The following PIP5KL1 variants were observed in gnomAD, a reference collection of about 807,000 sequenced individuals.
PIP5KL1 encodes the protein phosphatidylinositol-4-phosphate 5-kinase like 1.
A neutral mutation model predicts 47.6 loss-of-function variants in PIP5KL1; 45 were observed. That is an observed-to-expected ratio of 0.94 (90% confidence interval 0.74 to 1.21). The LOEUF (loss-of-function observed/expected upper bound fraction) is 1.21, where lower values mean the gene tolerates loss of function less well. Ranked by LOEUF, PIP5KL1 falls within the 50% of genes most tolerant of loss-of-function variation. PIP5KL1 has a pLI of 0.00. For missense variants in PIP5KL1, 577 were observed against 547.6 expected, an observed-to-expected ratio of 1.05 and a Z score of -0.54; for synonymous variants, 256 against 234.6, an observed-to-expected ratio of 1.09 and a Z score of -0.84.
At chr9:127,923,662 C>G (rs1831320854) in intron 9 of PIP5KL1, among the ~76,000 whole-genome samples, 1 of 152,194 alleles carries the variant, frequency 6.6e-6, no homozygotes. Context: ...TCACCCATAC[C>G]AAGTTCTTCC....
At chr9:127,928,607 G>C in intron 2 of PIP5KL1, 124 bp from the exon 3 acceptor site, 1 of 1,075,100 alleles carries the variant, frequency 9.3e-7, no homozygotes, top group Non-Finnish European at 1.3e-6. Context: ...TCAGCAAACC[G>C]GGACCGGAGT....
chr9:127,927,728 A>T lies in PIP5KL1; in HGVS notation c.479T>A (p.Val160Glu), dbSNP rs1242406861. The T allele has an allele frequency of 6.4e-7, 1 of 1,553,656 alleles. No homozygotes were observed. The highest frequency in any genetic ancestry group is 1.4e-5 in the African/African-American group (1 of 73,210). ...FFLKTQGRREVQALLAHLPRY... is the reference protein window; with the variant it reads ...FFLKTQGRREEQALLAHLPRY... ...GGGCAGGTGGGCGAGCAGAGCCTGC[A>T]CCTCTCGGCGCCCCTGGGTCTTCAG... The change falls in exon 5 of 10, where the codon GTG (valine) becomes GAG (glutamate). Residue 160 changes from valine (V) to glutamate (E), a missense_variant. By Grantham distance (121) the Val-to-Glu change is moderately radical (BLOSUM62 -2). Coordinates refer to ENST00000388747, the MANE Select transcript of PIP5KL1 (RefSeq NM_001135219.2). This position sits in a 1 kb window ranked among gnomAD's most constrained non-coding sequence, Gnocchi z 5.5.
chr9:127,925,478 T>G, intron 8 of PIP5KL1: 1 of 563,236 alleles, frequency 1.8e-6, no homozygotes. Flanking sequence ...TTTTATTTTA[T>G]TTTTTGAGAC....
Position 127,921,816 on chromosome 9 carries a change from TC to T in PIP5KL1, c.*30del. ...CGGCGTTCCTGGCGTGAGCCCATCG[TC>T]CAGATCCGGAGAGTGGGGCCGGGCG... On this transcript the variant is annotated 3_prime_UTR_variant, in exon 10 of 10. Coordinates refer to ENST00000388747, the MANE Select transcript of PIP5KL1 (RefSeq NM_001135219.2). The T allele has an allele frequency of 6.4e-7, 1 of 1,555,382 alleles. No individual in the cohort carries two copies.
At chr9:127,924,399 A>C (rs58440328) in intron 9 of PIP5KL1, among the ~76,000 whole-genome samples, 1 of 151,888 alleles carries the variant, frequency 6.6e-6, no homozygotes, top group Non-Finnish European at 1.5e-5. Context: ...CTGAGGCAGG[A>C]AGAACTGCTT....
rs1431550578 is a variant in PIP5KL1, at chr9:127,922,067, C to A, written c.965G>T (p.Arg322Leu). 1.3e-6 allele frequency: 2 copies of A among 1,561,464 alleles called. No homozygotes were observed. The highest frequency in any genetic ancestry group is 1.4e-5 in the African/African-American group (1 of 73,684). The change falls in exon 10 of 10, where the codon CGC becomes CTC. Residue 322 changes from arginine to leucine, a missense_variant. Coordinates refer to ENST00000388747, the MANE Select transcript of PIP5KL1 (RefSeq NM_001135219.2). ...QSPEESRAQN[R>L]RLLPDAPNAL... ...GTTGGGGGCGTCGGGCAGCAGCCGG[C>A]GGTTTTGGGCTCTCGACTCTTCCGG...
rs1554720839 is a variant in PIP5KL1 at position 127,922,706 on chromosome 9, A to AAAAAG, written c.918-593_918-592insCTTTT. 2.7e-4 allele frequency among the ~76,000 whole-genome samples: 39 copies of AAAAAG among 146,274 alleles called. 2 individuals carry two copies. The East Asian group carries it at 5.9e-3, about 22-fold the overall frequency. On this transcript the variant is annotated intron_variant, in intron 9 of 9. Transcript: ENST00000388747. ...CGAGACTCTGTCTCAAAAAAAAAAA[A>AAAAAG]AAAAAGAAAAAAGAAAAAGAAAAAA...
rs1226216291 is a variant in PIP5KL1, at chr9:127,927,322, CTG to C, written c.567_568del (p.His189GlnfsTer30). 6.2e-7 allele frequency: 1 copy of C among 1,609,548 alleles called. No homozygotes were observed. Among genetic ancestry groups the C allele is most frequent in the Non-Finnish European group, 8.5e-7 (1 of 1,179,026 alleles). On this transcript the variant is annotated frameshift_variant, in exon 6 of 10. Transcript: ENST00000388747. LOFTEE classifies it high-confidence loss of function. This position sits in a 1 kb window ranked among gnomAD's most constrained non-coding sequence, Gnocchi z 5.5. ...CTTCTTTCCCCGGTCCACCCGCAGACTGTGCACTCCTGGAAGGGGAGAGGGCG... is the reference window on the plus strand; with the variant it reads ...CTTCTTTCCCCGGTCCACCCGCAGACTGCACTCCTGGAAGGGGAGAGGGCG...
chr9:127,921,932 C>T lies in PIP5KL1; in HGVS notation c.1100G>A (p.Arg367His), dbSNP rs1177567237. ...AGTGGAGAAGGTCCGGCCTGGGTAGCGCAGTGTCTTCCACAGGTGCTCCAG... is the reference window on the plus strand; with the variant it reads ...AGTGGAGAAGGTCCGGCCTGGGTAGTGCAGTGTCTTCCACAGGTGCTCCAG... The part of the protein sequence containing the change: ...KRLEHLWKTL[R>H]YPGRTFSTVS... Residue 367 changes from arginine (R) to histidine (H), a missense_variant, in exon 10 of 10, where the codon CGC becomes CAC. Arg to His is a conservative substitution (Grantham distance 29). Coordinates refer to ENST00000388747, the MANE Select transcript of PIP5KL1 (RefSeq NM_001135219.2). The T allele has an allele frequency of 1.9e-6, 3 of 1,577,398 alleles. No homozygotes were observed. Among genetic ancestry groups the T allele is most frequent in the Non-Finnish European group, 2.6e-6 (3 of 1,163,364 alleles).
intron 9 of PIP5KL1, among the ~76,000 whole-genome samples, chr9:127,924,198 C>T (rs1028076796): frequency 6.6e-6 from 1 of 152,168 alleles, no homozygotes; most frequent in Non-Finnish European, 1.5e-5. Flanking sequence ...GAAACCCCAT[C>T]TCCACTAAAA....
In PIP5KL1 at chr9:127,925,868, C is replaced by A; in HGVS notation, c.762G>T (p.Leu254=). The change falls in exon 8 of 10, where the codon CTG becomes CTT. Residue 254 remains leucine, a splice_region_variant and synonymous_variant. Coordinates refer to ENST00000388747, the MANE Select transcript of PIP5KL1 (RefSeq NM_001135219.2). ...DLNFQGKTIN[L]GPQRSWFLRQ... is the part of the protein sequence containing the mutation. The stretch of plus-strand genomic sequence containing the variant: ...GCAGTGGCCACCCCCGTGGCTCACC[C>A]AGGTTGATGGTCTTGCCCTGAAAGT... 1 of 1,613,688 alleles carries A rather than the reference C, an allele frequency of 6.2e-7. No homozygotes were observed. Among genetic ancestry groups the A allele is most frequent in the East Asian group, 2.2e-5 (1 of 44,892 alleles).
At chr9:127,928,817 G>C (rs1831399469) in intron 2 of PIP5KL1, 1 of 353,298 alleles carries the variant, frequency 2.8e-6, no homozygotes, top group African/African-American at 2.2e-5. Context: ...CAAGGGGGTG[G>C]CCCTGAAGCC....
chr9:127,921,841 C>T lies in PIP5KL1; in HGVS notation c.*6G>A. The T allele has an allele frequency of 1.3e-6, 2 of 1,567,522 alleles. No homozygotes were observed. Among genetic ancestry groups the T allele is most frequent in the Non-Finnish European group, 1.7e-6 (2 of 1,162,336 alleles). On this transcript the variant is annotated 3_prime_UTR_variant, in exon 10 of 10. Transcript: ENST00000388747. The stretch of plus-strand genomic sequence containing the variant: ...TCCAGATCCGGAGAGTGGGGCCGGG[C>T]GCCCGTCACTCCGTGTGCGCCTCCA...
At chr9:127,924,681 G>A (rs1019381177) in intron 9 of PIP5KL1, among the ~76,000 whole-genome samples, 2 of 148,316 alleles carry the variant, frequency 1.3e-5, no homozygotes, top group South Asian at 2.1e-4. Flanking sequence ...AAGCAAAAAT[G>A]TTAAAAATTA....
chr9:127,927,872 C>A lies in PIP5KL1; in HGVS notation c.435-100G>T, dbSNP rs904014793. On this transcript the variant is annotated intron_variant, in intron 4 of 9. Coordinates refer to ENST00000388747, the MANE Select transcript of PIP5KL1 (RefSeq NM_001135219.2). The surrounding 1 kb of genome is among the most constrained non-coding windows in gnomAD (Gnocchi z 5.5). The stretch of plus-strand genomic sequence containing the variant: ...GTGCACGTGGATCTCGCTCCCAGGT[C>A]TCGGCACCGCCTCTCTCGCCTTCGG... 1.5e-5 allele frequency: 23 copies of A among 1,498,440 alleles called. 1 individual carries two copies. The South Asian group carries it at 2.0e-4, about 13-fold the overall frequency. 92.8% of individuals were successfully genotyped at this position (1,498,440 alleles called of 1,614,324 possible).
At position 127,921,772 on chromosome 9, in the gene PIP5KL1, T is replaced by A. The variant is rs1831283632; in HGVS notation, c.*75A>T. Reference sequence around the variant, plus strand: ...CCATCAGGAGGAAGCGCAGGCGAGATGCCCGGGCCCGGGGGAACCGGCGTT... The same window carrying A: ...CCATCAGGAGGAAGCGCAGGCGAGAAGCCCGGGCCCGGGGGAACCGGCGTT... On this transcript the variant is annotated 3_prime_UTR_variant, in exon 10 of 10. Coordinates refer to ENST00000388747, the MANE Select transcript of PIP5KL1 (RefSeq NM_001135219.2). 12 of 1,475,466 alleles carry A rather than the reference T, an allele frequency of 8.1e-6. No individual in the cohort carries two copies. The East Asian group carries it at 3.0e-4, about 36-fold the overall frequency. 91.4% of individuals were successfully genotyped at this position (1,475,466 alleles called of 1,614,324 possible).
At chr9:127,923,766 C>T (rs571131721) in intron 9 of PIP5KL1, among the ~76,000 whole-genome samples, 1 of 152,370 alleles carries the variant, frequency 6.6e-6, no homozygotes, top group South Asian at 2.1e-4. Flanking sequence ...AATGGAGTGC[C>T]TGTCTTAGCT....
Position 127,929,801 on chromosome 9 carries a change from A to C in PIP5KL1, c.115T>G (p.Ser39Ala). 6.4e-7 allele frequency: 1 copy of C among 1,554,054 alleles called. No individual in the cohort carries two copies. The highest frequency in any genetic ancestry group is 8.7e-7 in the Non-Finnish European group (1 of 1,149,332). ...GLLWRLRDKQ[S>A]RLGLFEISPG... ...CTGATCTCAAACAGGCCCAGGCGAG[A>C]CTGCTTGTCTCGGAGGCGCCAGAGA... is the stretch of plus-strand genomic sequence containing the variant. The change falls in exon 2 of 10, where the codon TCT becomes GCT. Residue 39 changes from serine to alanine, a missense_variant. Coordinates refer to ENST00000388747, the MANE Select transcript of PIP5KL1 (RefSeq NM_001135219.2). The surrounding 1 kb of genome is among the most constrained non-coding windows in gnomAD (Gnocchi z 4.0).
In PIP5KL1 at chr9:127,927,715, G is replaced by A. The variant is rs1412604151; in HGVS notation, c.492C>T (p.Leu164=). Residue 164 remains leucine (L), a synonymous_variant, in exon 5 of 10, where the codon CTC becomes CTT. Transcript: ENST00000388747. This position sits in a 1 kb window ranked among gnomAD's most constrained non-coding sequence, Gnocchi z 5.5. ...TQGRREVQAL[L]AHLPRYVQHL... The stretch of plus-strand genomic sequence containing the variant: ...GCTGCACGTAGCGGGGCAGGTGGGC[G>A]AGCAGAGCCTGCACCTCTCGGCGCC... The A allele has an allele frequency of 4.5e-6, 7 of 1,549,962 alleles. No individual in the cohort carries two copies. Among genetic ancestry groups the A allele is most frequent in the Middle Eastern group, 1.7e-4 (1 of 5,856 alleles).
Sources: allele counts gnomAD v4.1 joint callset (sites outside exome capture counted in the v4.1 genomes callset), GRCh38; gene constraint gnomAD v4.1.1; non-coding constraint Gnocchi (gnomAD v3.1); transcripts MANE v1.5; gene names NCBI Gene and HGNC (gene_info 2026-07-23, HGNC 2026-07-21).